Variants in PALM2AKAP2 observed in about 807,000 individuals in gnomAD.
PALM2AKAP2 encodes the protein PALM2 and AKAP2 fusion.
PALM2AKAP2 carries 37 observed loss-of-function variants against 71.5 expected under a neutral mutation model. The ratio of observed to expected loss-of-function variants is 0.52; its 90% CI spans 0.40 to 0.68. The LOEUF (loss-of-function observed/expected upper bound fraction) is 0.68. PALM2AKAP2 is among the 30% of genes least tolerant of loss of function. The pLI is 0.00. For synonymous variants in PALM2AKAP2, 468 were observed against 478.8 expected (o/e 0.98, Z 0.29); for missense variants, 1,224 against 1,191.8 (o/e 1.03, Z -0.40).
At position 109,757,275 on chromosome 9, in the gene PALM2AKAP2, C is replaced by T. The variant is rs576375815; in HGVS notation, c.6-23213C>T. ...AACATAATAACCTCCAGTTCCATCA[C>T]ATTGCTTCAAGAGAACATTTAGTGG... On this transcript the variant is annotated intron_variant, in intron 1 of 6. Coordinates refer to the PALM2AKAP2 transcript ENST00000374531. Among the ~76,000 whole-genome samples the T allele has an allele frequency of 3.3e-5, 5 of 152,234 alleles. No individual in the cohort carries two copies. The East Asian group carries it at 5.8e-4, about 18-fold the overall frequency.
intron 1 of PALM2AKAP2, among the ~76,000 whole-genome samples, chr9:109,720,785 A>G (rs1422587528): frequency 6.6e-6 from 1 of 152,234 alleles, no homozygotes; most frequent in East Asian, 1.9e-4. Flanking sequence ...CATGCTGTGG[A>G]TTTGTTCACT....
chr9:109,936,681 G>A (rs1037570941), intron 6 of PALM2AKAP2, among the ~76,000 whole-genome samples: 2 of 152,108 alleles, frequency 1.3e-5, no homozygotes, highest in Non-Finnish European at 1.5e-5. Context: ...TCACTGACTC[G>A]TGAACCACGC....
intron 1 of PALM2AKAP2, among the ~76,000 whole-genome samples, chr9:110,077,279 A>G (rs757110059): frequency 6.6e-6 from 1 of 152,220 alleles, no homozygotes; most frequent in Non-Finnish European, 1.5e-5. Context: ...GATGAAATAC[A>G]ATAACAAATA....
chr9:110,162,026 C>T (rs563781684), intron 3 of PALM2AKAP2, 68 bp from the exon 10 acceptor site: 157 of 1,585,472 alleles, frequency 9.9e-5, no homozygotes, highest in Middle Eastern at 1.7e-4. Context: ...TGCCTGTTCC[C>T]GGCTAGGGGG....
chr9:109,858,113 G>A (rs930369863), intron 1 of PALM2AKAP2, among the ~76,000 whole-genome samples: 1 of 152,220 alleles, frequency 6.6e-6, no homozygotes, highest in African/African-American at 2.4e-5. Context: ...CAATCCTGCA[G>A]TAGCATTTTG....
intron 1 of PALM2AKAP2, among the ~76,000 whole-genome samples, chr9:109,798,370 C>G (rs1827324040): frequency 3.9e-5 from 6 of 152,184 alleles, no homozygotes; most frequent in Admixed American, 3.9e-4. Flanking sequence ...CAAGCGTACC[C>G]TACTCTGCTT....
At chr9:109,774,569 A>G (rs1236386617) in intron 1 of PALM2AKAP2, among the ~76,000 whole-genome samples, 1 of 152,200 alleles carries the variant, frequency 6.6e-6, no homozygotes, top group Non-Finnish European at 1.5e-5. Flanking sequence ...TCTAGATAAT[A>G]AATGACATAG....
At chr9:109,798,717 T>A (rs3918629) in intron 1 of PALM2AKAP2, among the ~76,000 whole-genome samples, 26,711 of 152,268 alleles carry the variant, frequency 0.18, 2,769 homozygotes, top group East Asian at 0.34. Flanking sequence ...TCCCCATTGA[T>A]AATAAACAAA....
rs115803885 is a variant in PALM2AKAP2, at chr9:109,655,587, C to T, written c.5+14721C>T. Reference sequence around the variant, plus strand: ...AGACTGAAACTCTCTACCCATAAAACATCATCTCCCTATTCTCCCCACCCC... The same window carrying T: ...AGACTGAAACTCTCTACCCATAAAATATCATCTCCCTATTCTCCCCACCCC... On this transcript the variant is annotated intron_variant, in intron 1 of 6. Transcript: ENST00000374531. 4.7e-3 allele frequency among the ~76,000 whole-genome samples: 719 copies of T among 152,242 alleles called. 9 individuals carry two copies. The highest frequency in any genetic ancestry group is 0.016 in the African/African-American group (685 of 41,520).
chr9:110,149,761 A>G (rs982746399), intron 2 of PALM2AKAP2, among the ~76,000 whole-genome samples: 1 of 152,222 alleles, frequency 6.6e-6, no homozygotes, highest in Non-Finnish European at 1.5e-5. Context: ...AGCCCTGGGC[A>G]ACATAGTGAG....
At chr9:110,133,268 A>G (rs1016165165) in intron 1 of PALM2AKAP2, among the ~76,000 whole-genome samples, 4 of 152,342 alleles carry the variant, frequency 2.6e-5, no homozygotes, top group African/African-American at 7.2e-5. Flanking sequence ...CTTTGGAGAT[A>G]AGCCCCATCA....
intron 1 of PALM2AKAP2, among the ~76,000 whole-genome samples, chr9:109,705,999 A>G (rs557371062): frequency 6.3e-4 from 96 of 152,210 alleles, no homozygotes; most frequent in Non-Finnish European, 1.3e-3. Context: ...GGAATGAACC[A>G]TGCTTGCCTC....
chr9:109,801,405 G>C (rs1827425830), intron 1 of PALM2AKAP2, among the ~76,000 whole-genome samples: 1 of 152,246 alleles, frequency 6.6e-6, no homozygotes, highest in African/African-American at 2.4e-5. Context: ...TAGAAAGGTG[G>C]ATTCCAGATG....
At chr9:109,931,238 A>G (rs901653510) in intron 5 of PALM2AKAP2, among the ~76,000 whole-genome samples, 1 of 152,164 alleles carries the variant, frequency 6.6e-6, no homozygotes, top group Admixed American at 6.5e-5. Context: ...TTGTCGAGGT[A>G]TTTGCCCAAG....
chr9:110,136,281 G>C, exon 2 of PALM2AKAP2: 2 of 1,614,034 alleles, frequency 1.2e-6, no homozygotes, highest in Non-Finnish European at 1.7e-6. Flanking sequence ...AGTGTTCCTG[G>C]AATCACCTCT....
At chr9:110,137,991 A>G (rs747083201) in exon 2 of PALM2AKAP2, 3 of 1,602,700 alleles carry the variant, frequency 1.9e-6, no homozygotes, top group East Asian at 2.3e-5. Flanking sequence ...ATAGCCGAGC[A>G]GGTGGATAAA....
At chr9:109,938,572 G>C (rs1831284304) in intron 6 of PALM2AKAP2, among the ~76,000 whole-genome samples, 1 of 152,054 alleles carries the variant, frequency 6.6e-6, no homozygotes, top group African/African-American at 2.4e-5. Flanking sequence ...TGGAAGAATA[G>C]TGTACAACAT....
chr9:109,646,386 G>A (rs1827154455), intron 1 of PALM2AKAP2, among the ~76,000 whole-genome samples: 2 of 152,330 alleles, frequency 1.3e-5, no homozygotes, highest in Middle Eastern at 3.4e-3. Context: ...AACATAACAC[G>A]AGAACTCTAA....
At chr9:110,011,009 A>C (rs868778664) in intron 6 of PALM2AKAP2, among the ~76,000 whole-genome samples, 2,311 of 112,044 alleles carry the variant, frequency 0.021, 12 homozygotes, top group Middle Eastern at 0.031. Context: ...AAAAAAAAAA[A>C]AAAAAATATA....
Sources: gnomAD v4.1 joint callset for allele counts (sites outside exome capture counted in the v4.1 genomes callset) on GRCh38, gnomAD v4.1.1 for gene constraint, MANE v1.5 for transcripts, NCBI Gene and HGNC (gene_info 2026-07-23, HGNC 2026-07-21) for gene names.